TNPO1: variants seen among roughly 807,000 people sequenced by gnomAD.
The protein encoded by TNPO1 is transportin 1.
TNPO1 carries 8 observed loss-of-function variants against 119.5 expected under a neutral mutation model. The observed-to-expected ratio is 0.07, with a 90% CI of 0.04 to 0.12. The LOEUF (loss-of-function observed/expected upper bound fraction) is 0.12. Ranked by LOEUF, TNPO1 falls within the 10% of genes least tolerant of loss-of-function variation. The probability of loss-of-function intolerance (pLI) is 1.00; values close to 1 mark genes in which losing one functional copy is unlikely to be tolerated. For synonymous variants in TNPO1, 362 were observed against 363.0 expected (o/e 1.00, Z 0.03); for missense variants, 576 against 1,089.8 (o/e 0.53, Z 6.64).
rs189839152 is a variant in TNPO1, at chr5:72,894,803, T to C, written c.2143+1100T>C. ...AACATAATTAACATTAATTATGATATATTAAGAACCATCAAGTTTAAACCT... is the reference window on the plus strand; with the variant it reads ...AACATAATTAACATTAATTATGATACATTAAGAACCATCAAGTTTAAACCT... On this transcript the variant is annotated intron_variant, in intron 18 of 24. Transcript: ENST00000337273. 1.4e-3 allele frequency among the ~76,000 whole-genome samples: 209 copies of C among 152,360 alleles called. 1 individual carries two copies. Among genetic ancestry groups the C allele is most frequent in the African/African-American group, 4.5e-3 (188 of 41,592 alleles).
chr5:72,896,711 A>C (rs975416548), intron 19 of TNPO1, among the ~76,000 whole-genome samples, 155 bp downstream of exon 19: 2 of 152,168 alleles, frequency 1.3e-5, no homozygotes, highest in African/African-American at 4.8e-5. Flanking sequence ...CTCTACTAAA[A>C]ATACAAAAAT....
chr5:72,888,688 A>ATGGCAGGACTCC (rs1374367296), intron 13 of TNPO1, among the ~76,000 whole-genome samples: 1 of 152,212 alleles, frequency 6.6e-6, no homozygotes, highest in Non-Finnish European at 1.5e-5. Flanking sequence ...TGAACTAGTG[A>ATGGCAGGACTCC]TGGCAGGACT....
intron 3 of TNPO1, among the ~76,000 whole-genome samples, chr5:72,853,079 T>G (rs1745709096): frequency 6.6e-6 from 1 of 152,252 alleles, no homozygotes; most frequent in South Asian, 2.1e-4. Context: ...GTTACAATAT[T>G]ATACTCTTGA....
chr5:72,867,395 A>G (rs989453521), intron 6 of TNPO1, among the ~76,000 whole-genome samples: 2 of 149,766 alleles, frequency 1.3e-5, no homozygotes, highest in African/African-American at 2.4e-5. Flanking sequence ...GTTCTCTCTC[A>G]ACGTAACTGT....
At chr5:72,848,292 G>A (rs963005318) in intron 1 of TNPO1, 93 bp from the exon 2 acceptor site, 15 of 1,354,914 alleles carry the variant, frequency 1.1e-5, no homozygotes, top group Non-Finnish European at 2.9e-6. Flanking sequence ...TGGTGGCGGG[G>A]AGAACGGGTC....
rs571598748 is a variant in TNPO1 at position 72,900,832 on chromosome 5, C to G, written c.2415-142C>G. ...CCAACAAACAGGAAGTATGAGTAAA[C>G]GAAACTAAAGCTTTCCGAAAAACTC... On this transcript the variant is annotated intron_variant, in intron 21 of 24. Coordinates refer to ENST00000337273, the MANE Select transcript of TNPO1 (RefSeq NM_002270.4). 1.1e-4 allele frequency: 49 copies of G among 466,064 alleles called. No homozygotes were observed. In the Admixed American group the frequency reaches 1.1e-3, roughly 10 times the overall value. 28.9% of individuals were successfully genotyped at this position (466,064 alleles called of 1,614,324 possible).
chr5:72,913,209 A>C lies in TNPO1; in HGVS notation c.*4536A>C, dbSNP rs1750676338. The stretch of plus-strand genomic sequence containing the variant: ...TTTATACTGTATTAAATATGGAGAT[A>C]CTTCTAATGCCTCTCTAAAATTAAA... On this transcript the variant is annotated 3_prime_UTR_variant, in exon 25 of 25. Transcript: ENST00000337273. 6.6e-6 allele frequency: 1 copy of C among 152,504 alleles called. No individual in the cohort carries two copies. Among genetic ancestry groups the C allele is most frequent in the Non-Finnish European group, 1.5e-5 (1 of 67,920 alleles). 9.4% of individuals were successfully genotyped at this position (152,504 alleles called of 1,614,324 possible).
chr5:72,877,281 T>C lies in TNPO1; in HGVS notation c.855T>C (p.Cys285=), dbSNP rs910367630. The change falls in exon 9 of 25, where the codon TGT becomes TGC. Residue 285 remains cysteine, a synonymous_variant. Coordinates refer to ENST00000337273, the MANE Select transcript of TNPO1 (RefSeq NM_002270.4). ...ATGAAAATGTGGCTTTAGAAGCCTG[T>C]GAATTTTGGCTAACTTTAGCTGAAC... The part of the protein sequence containing the change: ...DQDENVALEA[C]EFWLTLAEQP... 6.2e-7 allele frequency: 1 copy of C among 1,613,122 alleles called. No homozygotes were observed. Among genetic ancestry groups the C allele is most frequent in the African/African-American group, 1.3e-5 (1 of 74,884 alleles).
At chr5:72,894,596 G>A (rs879376289) in intron 18 of TNPO1, among the ~76,000 whole-genome samples, 9 of 152,126 alleles carry the variant, frequency 5.9e-5, no homozygotes, top group Non-Finnish European at 1.0e-4. Context: ...GCTTGAACCC[G>A]GGAGGCAGAG....
chr5:72,868,736 T>C (rs1013632468), intron 6 of TNPO1, among the ~76,000 whole-genome samples: 6 of 152,044 alleles, frequency 3.9e-5, no homozygotes, highest in Non-Finnish European at 8.8e-5. Flanking sequence ...GGCTTTTTTC[T>C]TTTTTTAACA....
intron 5 of TNPO1, 93 bp from the exon 6 acceptor site, chr5:72,865,503 A>G (rs1746813354): frequency 1.5e-6 from 2 of 1,365,766 alleles, no homozygotes; most frequent in African/African-American, 1.5e-5. Flanking sequence ...GGCTGAGAAC[A>G]TTAGTCCATA....
intron 6 of TNPO1, among the ~76,000 whole-genome samples, chr5:72,866,257 A>G (rs1746891402): frequency 6.6e-6 from 1 of 152,128 alleles, no homozygotes; most frequent in Admixed American, 6.6e-5. Context: ...GAGGTGTACC[A>G]TATGTTTAGC....
At chr5:72,823,535 G>T (rs1012791461) in intron 1 of TNPO1, among the ~76,000 whole-genome samples, 3 of 152,060 alleles carry the variant, frequency 2.0e-5, no homozygotes, top group Non-Finnish European at 4.4e-5. Context: ...TAGTGCCTCA[G>T]CCCTAACCAT....
chr5:72,910,789 ATGTGTG>A lies in TNPO1; in HGVS notation c.*2126_*2131del, dbSNP rs138809779. 1.3e-5 allele frequency: 2 copies of A among 151,670 alleles called. No individual in the cohort carries two copies. Among genetic ancestry groups the A allele is most frequent in the East Asian group, 1.9e-4 (1 of 5,198 alleles). The allele number at this position is 151,670 out of a possible 1,614,324, so 9.4% of individuals were successfully genotyped here. A position where few individuals can be genotyped will look rare whatever the true frequency, so the allele number is the denominator to read the frequency against. ...AGCATGTAGAAAGGTTTTTGTTACTATGTGTGTGTGTGTGTTTTGTTTTGTTTTGTT... is the reference window on the plus strand; with the variant it reads ...AGCATGTAGAAAGGTTTTTGTTACTATGTGTGTGTTTTGTTTTGTTTTGTT... On this transcript the variant is annotated 3_prime_UTR_variant, in exon 25 of 25. Transcript: ENST00000337273.
At chr5:72,863,057 T>G (rs1307367362) in intron 5 of TNPO1, among the ~76,000 whole-genome samples, 2 of 151,842 alleles carry the variant, frequency 1.3e-5, no homozygotes, top group Non-Finnish European at 2.9e-5. Flanking sequence ...GGGGTTTTTT[T>G]GCCACTGATT....
At chr5:72,890,825 C>T (rs548954831) in intron 14 of TNPO1, among the ~76,000 whole-genome samples, 1 of 152,226 alleles carries the variant, frequency 6.6e-6, no homozygotes, top group East Asian at 1.9e-4. Context: ...ATAGTAACAG[C>T]CATATTACAC....
chr5:72,891,015 G>A (rs1160273615), intron 14 of TNPO1, among the ~76,000 whole-genome samples: 1 of 151,884 alleles, frequency 6.6e-6, no homozygotes, highest in African/African-American at 2.4e-5. Flanking sequence ...CACCATTCCT[G>A]GCCAACTTTT....
At chr5:72,876,080 T>C (rs182286691) in intron 8 of TNPO1, among the ~76,000 whole-genome samples, 287 of 152,326 alleles carry the variant, frequency 1.9e-3, no homozygotes, top group Middle Eastern at 0.01. Flanking sequence ...ACTTTACACA[T>C]GGCTGCATGA....
At chr5:72,892,229 G>GT (rs1364695886) in intron 15 of TNPO1, among the ~76,000 whole-genome samples, 1 of 151,932 alleles carries the variant, frequency 6.6e-6, no homozygotes, top group Non-Finnish European at 1.5e-5. Context: ...TTTGGTGCCA[G>GT]TAAGGAGGTA....
Sources: allele counts gnomAD v4.1 joint callset (sites outside exome capture counted in the v4.1 genomes callset), GRCh38; gene constraint gnomAD v4.1.1; transcripts MANE v1.5; gene names NCBI Gene and HGNC (gene_info 2026-07-23, HGNC 2026-07-21).